COX10: variants seen among roughly 807,000 people sequenced by gnomAD.
COX10 encodes cytochrome c oxidase assembly factor heme A:farnesyltransferase COX10.
A neutral mutation model predicts 37.3 loss-of-function variants in COX10; 27 were observed. That is an observed-to-expected ratio of 0.72 (90% CI 0.53 to 1.00). The LOEUF (loss-of-function observed/expected upper bound fraction) is 1.00. Ranked by LOEUF, COX10 falls within the 50% of genes least tolerant of loss-of-function variation. The pLI, the probability that COX10 is intolerant of heterozygous loss-of-function variation, is 0.00. For missense variants in COX10, 475 were observed against 563.2 expected (o/e 0.84, Z 1.59); for synonymous variants, 222 against 229.1 (o/e 0.97, Z 0.28).
chr17:14,174,592 T>C (rs960779778), intron 5 of COX10, among the ~76,000 whole-genome samples: 1 of 151,984 alleles, frequency 6.6e-6, no homozygotes, highest in Non-Finnish European at 1.5e-5. Flanking sequence ...CACAATGAGA[T>C]ACCACTACAC....
At chr17:14,113,164 AC>A (rs1209477335) in intron 4 of COX10, among the ~76,000 whole-genome samples, 23 of 152,268 alleles carry the variant, frequency 1.5e-4, no homozygotes, top group African/African-American at 5.5e-4. Flanking sequence ...TAAAATGTCA[AC>A]AGACATTTCA....
chr17:14,184,906 T>G (rs1905982146), intron 5 of COX10, among the ~76,000 whole-genome samples: 1 of 149,502 alleles, frequency 6.7e-6, no homozygotes, highest in Admixed American at 6.7e-5. Flanking sequence ...CCTAACAAGT[T>G]CCCAGGTGAT....
intron 2 of COX10, among the ~76,000 whole-genome samples, chr17:14,075,585 T>C (rs141203148): frequency 2.0e-5 from 3 of 152,292 alleles, no homozygotes; most frequent in African/African-American, 7.2e-5. Flanking sequence ...ATATATATTA[T>C]ATAAAACTGT....
chr17:14,202,541 GGTT>G (rs946160701), intron 6 of COX10, among the ~76,000 whole-genome samples: 17 of 152,160 alleles, frequency 1.1e-4, no homozygotes, highest in African/African-American at 3.9e-4. Context: ...CTATAGGCGG[GGTT>G]GTTGTAAGGA....
At chr17:14,101,136 G>A (rs1047510350) in intron 3 of COX10, among the ~76,000 whole-genome samples, 7 of 152,200 alleles carry the variant, frequency 4.6e-5, no homozygotes, top group South Asian at 4.1e-4. Context: ...TGCAATGAAC[G>A]GGATATAGCG....
chr17:14,181,892 T>C, intron 5 of COX10: 2 of 673,672 alleles, frequency 3.0e-6, no homozygotes, highest in South Asian at 1.3e-4. Flanking sequence ...TTACCCTTAA[T>C]TTAAGATGAA....
chr17:14,086,656 G>A (rs1329865821), intron 3 of COX10, among the ~76,000 whole-genome samples: 2 of 151,894 alleles, frequency 1.3e-5, no homozygotes, highest in Non-Finnish European at 2.9e-5. Context: ...GAGTTTTTCA[G>A]GAATACATCA....
chr17:14,205,840 A>G (rs1441164750), intron 6 of COX10, among the ~76,000 whole-genome samples: 1 of 152,120 alleles, frequency 6.6e-6, no homozygotes. Context: ...GCAAACTATG[A>G]GAGTAGGGTC....
chr17:14,184,465 A>T (rs1905965025), intron 5 of COX10, among the ~76,000 whole-genome samples: 1 of 152,236 alleles, frequency 6.6e-6, no homozygotes, highest in Admixed American at 6.5e-5. Context: ...ATGGAATAGT[A>T]GAGTGAGTAC....
At position 14,207,496 on chromosome 17, in the gene COX10, TC is replaced by T. The variant is rs1378761177; in HGVS notation, c.*285del. 1 of 412,000 alleles carries T rather than the reference TC, an allele frequency of 2.4e-6. No individual in the cohort carries two copies. Among genetic ancestry groups the T allele is most frequent in the East Asian group, 4.5e-5 (1 of 22,254 alleles). 25.5% of individuals were successfully genotyped at this position (412,000 alleles called of 1,614,324 possible). ...CAACCCCACCCTCTATTCTGTTTCT[TC>T]CTCCTCACATGGGGGTACACATACA... On this transcript the variant is annotated 3_prime_UTR_variant, in exon 7 of 7. Coordinates refer to ENST00000261643, the MANE Select transcript of COX10 (RefSeq NM_001303.4).
intron 4 of COX10, among the ~76,000 whole-genome samples, chr17:14,107,620 C>T (rs769170823): frequency 1.3e-5 from 2 of 151,840 alleles, no homozygotes; most frequent in Non-Finnish European, 2.9e-5. Context: ...TCAGCTTTCA[C>T]CCTCTTTGTA....
At chr17:14,179,290 T>C in intron 5 of COX10, 4 of 865,414 alleles carry the variant, frequency 4.6e-6, no homozygotes, top group African/African-American at 1.9e-5. Context: ...AGGTATCTTA[T>C]ATATATTTTT....
chr17:14,102,301 TTG>T, intron 4 of COX10, 59 bp downstream of exon 4: 1 of 1,603,484 alleles, frequency 6.2e-7, no homozygotes, highest in Non-Finnish European at 8.5e-7. Context: ...GATGGCTGTA[TTG>T]TCATATTTTT....
rs116394409 is a variant in COX10 at position 14,133,829 on chromosome 17, A to T, written c.625-26048A>T. Among the ~76,000 whole-genome samples, 632 of 151,752 alleles carry T rather than the reference A, an allele frequency of 4.2e-3. 8 individuals carry two copies. The highest frequency in any genetic ancestry group is 0.015 in the African/African-American group (606 of 41,514). Reference sequence around the variant, plus strand: ...ATAGTGTTTAATTCAGATTTTTATGAGTTTCAGTGTAGTCTTAATTAGTGA... The same window carrying T: ...ATAGTGTTTAATTCAGATTTTTATGTGTTTCAGTGTAGTCTTAATTAGTGA... On this transcript the variant is annotated intron_variant, in intron 4 of 6. Coordinates refer to ENST00000261643, the MANE Select transcript of COX10 (RefSeq NM_001303.4).
chr17:14,173,521 G>A (rs1905550246), intron 5 of COX10, among the ~76,000 whole-genome samples: 1 of 152,238 alleles, frequency 6.6e-6, no homozygotes, highest in Admixed American at 6.5e-5. Flanking sequence ...AGATGGGAGT[G>A]CAAAATACAT....
intron 4 of COX10, among the ~76,000 whole-genome samples, chr17:14,145,830 A>C (rs942974235): frequency 1.1e-4 from 16 of 152,170 alleles, no homozygotes; most frequent in Non-Finnish European, 2.1e-4. Flanking sequence ...AGCCTGAATT[A>C]AGGAAGTGGC....
chr17:14,172,819 C>G (rs1905523305), intron 5 of COX10, among the ~76,000 whole-genome samples: 1 of 151,946 alleles, frequency 6.6e-6, no homozygotes, highest in Non-Finnish European at 1.5e-5. Context: ...TCCTAAAGTG[C>G]TGGGATTACA....
chr17:14,140,814 AT>A (rs983021578), intron 4 of COX10, among the ~76,000 whole-genome samples: 5 of 151,824 alleles, frequency 3.3e-5, no homozygotes, highest in Admixed American at 3.3e-4. Flanking sequence ...GTTATGTCTG[AT>A]TTTTTTTGTT....
intron 3 of COX10, among the ~76,000 whole-genome samples, chr17:14,092,156 A>C (rs918086112): frequency 2.6e-5 from 4 of 152,164 alleles, no homozygotes; most frequent in African/African-American, 7.2e-5. Flanking sequence ...GATCTCACTC[A>C]GTGTTACAAA....
Sources: allele counts gnomAD v4.1 joint callset (sites outside exome capture counted in the v4.1 genomes callset), GRCh38; gene constraint gnomAD v4.1.1; transcripts MANE v1.5; gene names NCBI Gene and HGNC (gene_info 2026-07-23, HGNC 2026-07-21).